UHMK1: variants seen among roughly 807,000 people sequenced by gnomAD.
UHMK1 encodes serine/threonine-protein kinase Kist.
Under a neutral mutation model 44.0 loss-of-function variants are expected in UHMK1, and 18 were observed. The observed-to-expected ratio is 0.41, with a 90% CI of 0.28 to 0.61. The LOEUF is 0.61. Ranked by LOEUF, UHMK1 falls within the 20% of genes least tolerant of loss-of-function variation. The pLI is 0.31. For synonymous variants in UHMK1, 231 were observed against 198.5 expected, an observed-to-expected ratio of 1.16 and a Z score of -1.38; for missense variants, 463 against 522.5, an observed-to-expected ratio of 0.89 and a Z score of 1.11.
In UHMK1 at chr1:162,518,185, G is replaced by A; in HGVS notation, c.1108G>A (p.Gly370Arg). The change falls in exon 7 of 8, where the codon GGA becomes AGA. Residue 370 changes from glycine (G) to arginine (R), a missense_variant. By Grantham distance (125) the Gly-to-Arg change is moderately radical. This residue lies in a region of UHMK1 where 264 missense variants were observed against 326.3 expected (regional missense o/e 0.81). Transcript: ENST00000489294. ...LLVPKENPGRGQVFVEYANAG... is the reference protein window; with the variant it reads ...LLVPKENPGRRQVFVEYANAG... ...TGTTCCAAAGGAAAATCCTGGCAGAGGACAAGTAAGTGAATATTTTCATAA... is the reference window on the plus strand; with the variant it reads ...TGTTCCAAAGGAAAATCCTGGCAGAAGACAAGTAAGTGAATATTTTCATAA... 1.2e-6 allele frequency: 2 copies of A among 1,606,592 alleles called. No individual in the cohort carries two copies. Among genetic ancestry groups the A allele is most frequent in the Non-Finnish European group, 1.7e-6 (2 of 1,173,506 alleles).
At chr1:162,504,186 CA>C (rs1014160099) in intron 4 of UHMK1, among the ~76,000 whole-genome samples, 6 of 151,958 alleles carry the variant, frequency 3.9e-5, no homozygotes, top group Admixed American at 2.6e-4. Flanking sequence ...CCCCTCCCCC[CA>C]AAAAAAGACC....
At chr1:162,510,084 G>A (rs889239670) in intron 4 of UHMK1, among the ~76,000 whole-genome samples, 15 of 148,674 alleles carry the variant, frequency 1.0e-4, no homozygotes, top group African/African-American at 2.2e-4. Flanking sequence ...ACAGCATCTC[G>A]GTCTTCTTTT....
rs182369911 is a variant in UHMK1, at chr1:162,497,858, T to G, written c.-143T>G. ...CACGGCTTCCGGTGTCATGGCTGCTTGAAGTCCCGGGAGTCGGTGAGGCGG... is the reference window on the plus strand; with the variant it reads ...CACGGCTTCCGGTGTCATGGCTGCTGGAAGTCCCGGGAGTCGGTGAGGCGG... On this transcript the variant is annotated 5_prime_UTR_variant, in exon 1 of 8. An upstream open reading frame in the 5' UTR loses its in-frame stop. Transcript: ENST00000489294. 14,472 of 1,380,524 alleles carry G rather than the reference T, an allele frequency of 0.01. 102 individuals are homozygous for G. Among genetic ancestry groups the G allele is most frequent in the Middle Eastern group, 0.034 (124 of 3,678 alleles). The allele number at this position is 1,380,524 out of a possible 1,614,324, so 85.5% of individuals were successfully genotyped here.
At position 162,497,829 on chromosome 1, in the gene UHMK1, G is replaced by A. The variant is rs754639990; in HGVS notation, c.-172G>A. On this transcript the variant is annotated 5_prime_UTR_variant, in exon 1 of 8. Coordinates refer to ENST00000489294, the MANE Select transcript of UHMK1 (RefSeq NM_175866.5). Reference sequence around the variant, plus strand: ...CATTTCCGGCTTCTGGGACTCGGGTGCACCACGGCTTCCGGTGTCATGGCT... The same window carrying A: ...CATTTCCGGCTTCTGGGACTCGGGTACACCACGGCTTCCGGTGTCATGGCT... 7.4e-7 allele frequency: 1 copy of A among 1,351,314 alleles called. No individual in the cohort carries two copies. Among genetic ancestry groups the A allele is most frequent in the Non-Finnish European group, 9.5e-7 (1 of 1,056,810 alleles). The allele number at this position is 1,351,314 out of a possible 1,614,324, so 83.7% of individuals were successfully genotyped here.
At chr1:162,513,193 G>T in intron 6 of UHMK1, 1 of 211,920 alleles carries the variant, frequency 4.7e-6, no homozygotes, top group Non-Finnish European at 9.7e-6. Flanking sequence ...ACCAACCTCA[G>T]CCTCTCAAAG....
chr1:162,510,589 G>A (rs1247956558), intron 4 of UHMK1, among the ~76,000 whole-genome samples: 1 of 149,566 alleles, frequency 6.7e-6, no homozygotes, highest in Non-Finnish European at 1.5e-5. Context: ...GTATTCCATT[G>A]TGTATATATA....
chr1:162,501,518 A>G (rs1651267546), intron 3 of UHMK1, among the ~76,000 whole-genome samples: 1 of 151,492 alleles, frequency 6.6e-6, no homozygotes, highest in Non-Finnish European at 1.5e-5. Context: ...TGTTGTCCAT[A>G]CTCCTCTTTT....
chr1:162,511,588 AG>A (rs1387391393), intron 4 of UHMK1, among the ~76,000 whole-genome samples: 10 of 152,186 alleles, frequency 6.6e-5, no homozygotes, highest in Non-Finnish European at 1.0e-4. Flanking sequence ...GCTGTGCAGA[AG>A]GATTTTAGTT....
intron 4 of UHMK1, among the ~76,000 whole-genome samples, chr1:162,512,189 T>A (rs1217335629): frequency 6.6e-6 from 1 of 151,812 alleles, no homozygotes; most frequent in Non-Finnish European, 1.5e-5. Context: ...ATATCTTTTT[T>A]TTTTAATTGT....
In UHMK1 at chr1:162,512,688, G is replaced by T. The variant is rs1036314758; in HGVS notation, c.926-37G>T. 6 of 1,609,958 alleles carry T rather than the reference G, an allele frequency of 3.7e-6. No homozygotes were observed. In the African/African-American group the frequency reaches 5.4e-5, roughly 14 times the overall value. On this transcript the variant is annotated intron_variant, in intron 5 of 7. Coordinates refer to ENST00000489294, the MANE Select transcript of UHMK1 (RefSeq NM_175866.5). ...ATCTGGTGTTCAACTTATTTGGGGG[G>T]ATTTACATTTAACCATATTATGATG...
chr1:162,497,335 T>C, upstream of UHMK1: 1 of 699,568 alleles, frequency 1.4e-6, no homozygotes, highest in South Asian at 1.5e-5. Context: ...CGTCATGGAC[T>C]GAACCAGAAT....
At position 162,526,933 on chromosome 1, in the gene UHMK1, A is replaced by G. The variant is rs1054999763; in HGVS notation, c.*4383A>G. On this transcript the variant is annotated 3_prime_UTR_variant, in exon 8 of 8. Transcript: ENST00000489294. ...ACATATAGACAAGTACTTGGTCACA[A>G]TTAGCTCAAAAGAATCCCCATTTCT... 13 of 152,118 alleles carry G rather than the reference A, an allele frequency of 8.5e-5. No homozygotes were observed. Among genetic ancestry groups the G allele is most frequent in the African/African-American group, 2.9e-4 (12 of 41,440 alleles). The allele number at this position is 152,118 out of a possible 1,614,324, so 9.4% of individuals were successfully genotyped here. A position where few individuals can be genotyped will look rare whatever the true frequency, so the allele number is the denominator to read the frequency against.
Position 162,500,142 on chromosome 1 carries a change from G to C in UHMK1, c.456G>C (p.Glu152Asp), listed in dbSNP as rs1422651344. 37 of 1,614,190 alleles carry C rather than the reference G, an allele frequency of 2.3e-5. No homozygotes were observed. Among genetic ancestry groups the C allele is most frequent in the Non-Finnish European group, 3.1e-5 (37 of 1,180,036 alleles). ...AGGCCCTTGCTTTTCTTCATCATGA[G>C]GGCTATGTCCATGCGGACCTCAAAC... ...VLEALAFLHH[E>D]GYVHADLKPR... Residue 152 changes from glutamate (E) to aspartate (D), a missense_variant, in exon 2 of 8, where the codon GAG becomes GAC. This residue lies in a region of UHMK1 where 264 missense variants were observed against 326.3 expected (regional missense o/e 0.81). Coordinates refer to ENST00000489294, the MANE Select transcript of UHMK1 (RefSeq NM_175866.5).
intron 7 of UHMK1, 111 bp downstream of exon 7, chr1:162,518,301 G>T: frequency 1.5e-6 from 1 of 681,786 alleles, no homozygotes; most frequent in Non-Finnish European, 2.5e-6. Flanking sequence ...AGGATTATGA[G>T]TTTTGCATTT....
chr1:162,527,936 T>A lies in UHMK1; in HGVS notation c.*5386T>A, dbSNP rs1435337492. The A allele has an allele frequency of 6.6e-6, 1 of 151,070 alleles. No individual in the cohort carries two copies. The highest frequency in any genetic ancestry group is 1.5e-5 in the Non-Finnish European group (1 of 67,712). 9.4% of individuals were successfully genotyped at this position (151,070 alleles called of 1,614,324 possible). On this transcript the variant is annotated 3_prime_UTR_variant, in exon 8 of 8. Coordinates refer to ENST00000489294, the MANE Select transcript of UHMK1 (RefSeq NM_175866.5). ...AAAACTGGAATTGTTTGTATTTTGT[T>A]TTTTTGGGGGGGGATCTTTATGTGA... is the stretch of plus-strand genomic sequence containing the variant.
In UHMK1 at chr1:162,518,083, T is replaced by C; in HGVS notation, c.1025-19T>C. ...TTTATTATATCAGAGCAGTTACTGTTATGTGTTTTAATAATCAGATGTTGT... is the reference window on the plus strand; with the variant it reads ...TTTATTATATCAGAGCAGTTACTGTCATGTGTTTTAATAATCAGATGTTGT... On this transcript the variant is annotated intron_variant, in intron 6 of 7. Transcript: ENST00000489294. 1 of 1,539,346 alleles carries C rather than the reference T, an allele frequency of 6.5e-7. No individual in the cohort carries two copies. The highest frequency in any genetic ancestry group is 9.0e-7 in the Non-Finnish European group (1 of 1,112,602).
chr1:162,514,756 A>C (rs1651779501), intron 6 of UHMK1, among the ~76,000 whole-genome samples: 1 of 152,218 alleles, frequency 6.6e-6, no homozygotes, highest in Admixed American at 6.5e-5. Flanking sequence ...TCCTAGTTAA[A>C]GAGGTAAGGA....
At chr1:162,517,613 G>A (rs1379818207) in intron 6 of UHMK1, among the ~76,000 whole-genome samples, 26 of 152,098 alleles carry the variant, frequency 1.7e-4, no homozygotes, top group Admixed American at 1.6e-3. Flanking sequence ...TTGGCCAGGC[G>A]CAGTGGCTCA....
At chr1:162,518,215 A>C (rs753452032) in intron 7 of UHMK1, 25 bp downstream of exon 7, 3 of 1,496,962 alleles carry the variant, frequency 2.0e-6, no homozygotes, top group Admixed American at 1.7e-5. Context: ...TCATAATTGC[A>C]GATTACTCAG....
Sources: gnomAD v4.1 joint callset for allele counts (sites outside exome capture counted in the v4.1 genomes callset) on GRCh38, gnomAD v4.1.1 for gene constraint, gnomAD v4.1.1 regional missense constraint, MANE v1.5 for transcripts, NCBI Gene and HGNC (gene_info 2026-07-23, HGNC 2026-07-21) for gene names.